The following TRIQK variants were observed in gnomAD, a reference collection of about 807,000 sequenced individuals.
TRIQK encodes the protein triple QxxK/R motif containing.
In TRIQK, 10 loss-of-function variants were observed where a neutral mutation model predicts 10.8. That is an observed-to-expected ratio of 0.92 (90% CI 0.57 to 1.57). The LOEUF (loss-of-function observed/expected upper bound fraction) is 1.57, where lower values mean the gene tolerates loss of function less well. TRIQK is among the 40% of genes most tolerant of loss of function. The pLI is 0.00. For missense variants in TRIQK, 107 were observed against 97.7 expected, an observed-to-expected ratio of 1.09 and a Z score of -0.40; for synonymous variants, 33 against 33.7, an observed-to-expected ratio of 0.98 and a Z score of 0.07.
intron 3 of TRIQK, among the ~76,000 whole-genome samples, chr8:92,911,812 TAC>T (rs1809583698): frequency 6.7e-6 from 1 of 149,988 alleles, no homozygotes; most frequent in African/African-American, 2.4e-5. Context: ...TGTATATATG[TAC>T]ATACATGTAT....
intron 2 of TRIQK, among the ~76,000 whole-genome samples, chr8:92,939,282 G>T (rs190976443): frequency 3.3e-5 from 5 of 152,222 alleles, no homozygotes; most frequent in South Asian, 4.1e-4. Context: ...TTATGAAGAC[G>T]TGCCATTCTG....
chr8:92,930,633 A>G (rs1810674957), intron 2 of TRIQK, among the ~76,000 whole-genome samples: 1 of 152,120 alleles, frequency 6.6e-6, no homozygotes, highest in South Asian at 2.1e-4. Context: ...CATTAGCTTC[A>G]GGGATTCTGA....
At chr8:92,894,810 G>A (rs574986400) in intron 3 of TRIQK, among the ~76,000 whole-genome samples, 6 of 152,088 alleles carry the variant, frequency 3.9e-5, no homozygotes, top group Admixed American at 2.6e-4. Context: ...TGTTGTTACT[G>A]TTATTTGCTC....
intron 1 of TRIQK, among the ~76,000 whole-genome samples, chr8:93,006,566 G>A (rs1301461514): frequency 6.6e-6 from 1 of 152,112 alleles, no homozygotes; most frequent in African/African-American, 2.4e-5. Flanking sequence ...GTAAGGAGCA[G>A]CCATCATCAC....
intron 1 of TRIQK, among the ~76,000 whole-genome samples, chr8:93,007,991 G>C (rs1813291822): frequency 6.6e-6 from 1 of 152,136 alleles, no homozygotes. Context: ...TCCTTTGCAG[G>C]GACATGGATG....
intron 2 of TRIQK, among the ~76,000 whole-genome samples, chr8:92,930,390 C>CAA (rs66513185): frequency 1.8e-3 from 83 of 47,140 alleles, no homozygotes; most frequent in South Asian, 3.8e-3. Flanking sequence ...ACTAGGTCTC[C>CAA]AAAAAAAAAA....
intron 2 of TRIQK, among the ~76,000 whole-genome samples, chr8:92,932,483 C>T (rs1427989537): frequency 1.3e-5 from 2 of 152,030 alleles, no homozygotes; most frequent in Non-Finnish European, 2.9e-5. Flanking sequence ...TGGTACCTGC[C>T]TAATTTCTCC....
At chr8:93,004,427 C>G (rs1239662905) in intron 1 of TRIQK, among the ~76,000 whole-genome samples, 1 of 152,248 alleles carries the variant, frequency 6.6e-6, no homozygotes, top group Non-Finnish European at 1.5e-5. Flanking sequence ...ATGTTTCCCT[C>G]CTAGGCCTCC....
intron 1 of TRIQK, among the ~76,000 whole-genome samples, chr8:93,017,325 T>C (rs901051507): frequency 6.6e-6 from 1 of 152,116 alleles, no homozygotes; most frequent in Non-Finnish European, 1.5e-5. Context: ...CAAAATAGCA[T>C]CTGGAGATGA....
chr8:92,995,100 GT>G (rs1813140001), intron 1 of TRIQK, among the ~76,000 whole-genome samples: 1 of 151,920 alleles, frequency 6.6e-6, no homozygotes, highest in Admixed American at 6.6e-5. Context: ...TTAGGGGAGA[GT>G]TTTTCTCACA....
rs1457372629 is a variant in TRIQK at position 92,883,812 on chromosome 8, A to G, written c.*2810T>C. The G allele has an allele frequency of 6.6e-6, 1 of 151,790 alleles. No individual in the cohort carries two copies. Among genetic ancestry groups the G allele is most frequent in the Non-Finnish European group, 1.5e-5 (1 of 67,834 alleles). The allele number at this position is 151,790 out of a possible 1,614,324, so 9.4% of individuals were successfully genotyped here. On this transcript the variant is annotated 3_prime_UTR_variant, in exon 5 of 5. Transcript: ENST00000521988. The stretch of plus-strand genomic sequence containing the variant: ...AATCTTGAAGTATTTTGCTACCTTA[A>G]AACAACTACCCACCCTACATTTGTA...
intron 1 of TRIQK, among the ~76,000 whole-genome samples, chr8:92,959,004 A>C (rs1465911616): frequency 1.3e-5 from 2 of 152,134 alleles, no homozygotes; most frequent in Non-Finnish European, 2.9e-5. Context: ...TTTATTTATA[A>C]ACAATTAAAT....
At chr8:92,958,683 CA>C (rs1812296379) in intron 1 of TRIQK, among the ~76,000 whole-genome samples, 1 of 151,868 alleles carries the variant, frequency 6.6e-6, no homozygotes, top group Admixed American at 6.6e-5. Flanking sequence ...CACTGAAGGG[CA>C]AAAATTGAAT....
At chr8:92,925,012 G>C (rs552176258) in intron 2 of TRIQK, among the ~76,000 whole-genome samples, 7 of 151,956 alleles carry the variant, frequency 4.6e-5, no homozygotes, top group African/African-American at 1.7e-4. Flanking sequence ...CTGATCACTT[G>C]CCAACATTGA....
chr8:93,003,792 A>G (rs1813239386), intron 1 of TRIQK, among the ~76,000 whole-genome samples: 1 of 152,060 alleles, frequency 6.6e-6, no homozygotes, highest in African/African-American at 2.4e-5. Flanking sequence ...AAATTGGCCA[A>G]AAAAAAGGGA....
intron 2 of TRIQK, among the ~76,000 whole-genome samples, chr8:92,928,248 T>A (rs1350911944): frequency 1.3e-5 from 2 of 152,088 alleles, no homozygotes; most frequent in African/African-American, 2.4e-5. Context: ...TACCTTTATC[T>A]CAAAACTGCA....
Position 92,884,850 on chromosome 8 carries a change from G to T in TRIQK, c.*1772C>A. 2.2e-6 allele frequency: 1 copy of T among 455,926 alleles called. No individual in the cohort carries two copies. Among genetic ancestry groups the T allele is most frequent in the Non-Finnish European group, 4.4e-6 (1 of 226,624 alleles). 28.2% of individuals were successfully genotyped at this position (455,926 alleles called of 1,614,324 possible). ...TTCACGTAAATGTGATGGGAGTGGG[G>T]GGGTGGGGAGCAGTATTTCTTGACA... is the stretch of plus-strand genomic sequence containing the variant. On this transcript the variant is annotated 3_prime_UTR_variant, in exon 5 of 5. Transcript: ENST00000521988.
At chr8:92,901,428 C>T (rs926967412) in intron 3 of TRIQK, among the ~76,000 whole-genome samples, 29 of 152,170 alleles carry the variant, frequency 1.9e-4, no homozygotes, top group African/African-American at 6.0e-4. Context: ...CTTCTATACC[C>T]AGTTTTTTTG....
chr8:93,001,722 C>T (rs1379120460), intron 1 of TRIQK, among the ~76,000 whole-genome samples: 1 of 152,108 alleles, frequency 6.6e-6, no homozygotes, highest in East Asian at 1.9e-4. Context: ...CAAAGGTGGA[C>T]AGGTCATCCA....
Sources: allele counts gnomAD v4.1 joint callset (sites outside exome capture counted in the v4.1 genomes callset), GRCh38; gene constraint gnomAD v4.1.1; transcripts MANE v1.5; gene names NCBI Gene and HGNC (gene_info 2026-07-23, HGNC 2026-07-21).